Variants in CTNNA3 observed in about 807,000 individuals in gnomAD.
CTNNA3 encodes catenin alpha 3, also known as catenin alpha-3.
A neutral mutation model predicts 95.7 loss-of-function variants in CTNNA3; 76 were observed. The observed-to-expected ratio is 0.79, with a 90% CI of 0.66 to 0.96. The LOEUF (loss-of-function observed/expected upper bound fraction) is 0.96, where lower values mean the gene tolerates loss of function less well. Ranked by LOEUF, CTNNA3 falls within the 40% of genes least tolerant of loss-of-function variation. CTNNA3 has a pLI of 0.00. For synonymous variants in CTNNA3, 431 were observed against 374.4 expected, an observed-to-expected ratio of 1.15 and a Z score of -1.74; for missense variants, 1,191 against 1,089.8, an observed-to-expected ratio of 1.09 and a Z score of -1.31.
intron 7 of CTNNA3, chr10:66,928,065 G>T: frequency 6.2e-7 from 1 of 1,614,052 alleles, no homozygotes. Context: ...TTAAGCCCAA[G>T]CTCCCCAGGC....
At chr10:66,114,864 G>A (rs985812894) in intron 13 of CTNNA3, among the ~76,000 whole-genome samples, 1 of 151,126 alleles carries the variant, frequency 6.6e-6, no homozygotes, top group African/African-American at 2.4e-5. Flanking sequence ...CAGCGACAGA[G>A]TGAGGCTCCA....
chr10:67,119,339 C>T (rs150751188), intron 7 of CTNNA3, among the ~76,000 whole-genome samples: 7 of 151,838 alleles, frequency 4.6e-5, no homozygotes, highest in Non-Finnish European at 8.8e-5. Context: ...GAAACTCAGA[C>T]GTTAACCATT....
chr10:67,129,379 CT>C (rs1194138852), intron 7 of CTNNA3, among the ~76,000 whole-genome samples: 1 of 152,120 alleles, frequency 6.6e-6, no homozygotes, highest in Non-Finnish European at 1.5e-5. Context: ...CCTGAAATGA[CT>C]TTATAATTTA....
At chr10:66,172,401 T>C (rs1033551361) in intron 13 of CTNNA3, among the ~76,000 whole-genome samples, 2 of 152,190 alleles carry the variant, frequency 1.3e-5, no homozygotes, top group Non-Finnish European at 2.9e-5. Context: ...ATAGAACTTT[T>C]GTAACCTGAA....
At position 67,248,784 on chromosome 10, in the gene CTNNA3, C is replaced by T. The variant is rs779030451; in HGVS notation, c.580-28914G>A. On this transcript the variant is annotated intron_variant, in intron 5 of 17. Transcript: ENST00000433211. Reference sequence around the variant, plus strand: ...AGCTGGACTCCTACCTCACACCATACAGAAAATTAACAAAATGGATCACAG... The same window carrying T: ...AGCTGGACTCCTACCTCACACCATATAGAAAATTAACAAAATGGATCACAG... 2.2e-4 allele frequency among the ~76,000 whole-genome samples: 34 copies of T among 152,128 alleles called. 1 individual carries two copies. Among genetic ancestry groups the T allele is most frequent in the Admixed American group, 3.3e-4 (5 of 15,260 alleles).
intron 11 of CTNNA3, among the ~76,000 whole-genome samples, chr10:66,453,051 TAAAAATACAAAA>T (rs1395588684): frequency 7.8e-6 from 1 of 128,994 alleles, no homozygotes; most frequent in African/African-American, 3.2e-5. Flanking sequence ...TTGTCTCTAC[TAAAAATACAAAA>T]AAAAATTGTC....
At chr10:66,007,655 G>A (rs1166431124) in intron 15 of CTNNA3, among the ~76,000 whole-genome samples, 1 of 143,184 alleles carries the variant, frequency 7.0e-6, no homozygotes, top group African/African-American at 2.6e-5. Context: ...CCATCTGGAG[G>A]GTCTCATATT....
chr10:66,633,909 G>C (rs567343518), intron 9 of CTNNA3, among the ~76,000 whole-genome samples: 2 of 151,954 alleles, frequency 1.3e-5, no homozygotes, highest in Non-Finnish European at 2.9e-5. Context: ...AAAAAAACGC[G>C]ATTGATGAAA....
At chr10:67,093,219 T>C (rs1233260120) in intron 7 of CTNNA3, among the ~76,000 whole-genome samples, 1 of 151,950 alleles carries the variant, frequency 6.6e-6, no homozygotes, top group Non-Finnish European at 1.5e-5. Flanking sequence ...CCTTATTAGA[T>C]TTAAATTTCC....
At chr10:67,307,685 C>T (rs562181825) in intron 5 of CTNNA3, among the ~76,000 whole-genome samples, 23 of 152,160 alleles carry the variant, frequency 1.5e-4, no homozygotes, top group Non-Finnish European at 2.8e-4. Context: ...TTGAGTCCTG[C>T]TTTGCCTATC....
chr10:67,689,659 G>A (rs909419951), intron 1 of CTNNA3, among the ~76,000 whole-genome samples: 6 of 152,054 alleles, frequency 3.9e-5, no homozygotes, highest in African/African-American at 1.2e-4. Flanking sequence ...TTGGGACCCC[G>A]GAGCTGAATG....
chr10:66,628,253 A>T (rs564304573), intron 9 of CTNNA3, among the ~76,000 whole-genome samples: 66 of 152,146 alleles, frequency 4.3e-4, no homozygotes, highest in Admixed American at 2.3e-3. Flanking sequence ...AAATTAACAC[A>T]TTTGGTGAAT....
chr10:66,534,473 TATATATATATATATATATA>T (rs1841579929), intron 10 of CTNNA3, among the ~76,000 whole-genome samples: 1 of 566 alleles, frequency 1.8e-3, no homozygotes, highest in Non-Finnish European at 0.019. Context: ...AAAAATCATA[TATATATATATATATATATA>T]TATATATATG....
At chr10:67,297,673 T>G (rs1377207513) in intron 5 of CTNNA3, among the ~76,000 whole-genome samples, 1 of 152,012 alleles carries the variant, frequency 6.6e-6, no homozygotes, top group Admixed American at 6.6e-5. Flanking sequence ...GCTTGTGCAG[T>G]TTACTTGGTG....
At chr10:67,627,710 GC>G (rs900714466) in intron 2 of CTNNA3, among the ~76,000 whole-genome samples, 3 of 151,894 alleles carry the variant, frequency 2.0e-5, no homozygotes, top group Admixed American at 1.3e-4. Flanking sequence ...CTGTTAATGA[GC>G]AAAAAACTGA....
At chr10:67,335,072 T>C (rs1464117778) in intron 5 of CTNNA3, among the ~76,000 whole-genome samples, 1 of 151,896 alleles carries the variant, frequency 6.6e-6, no homozygotes, top group African/African-American at 2.4e-5. Flanking sequence ...GAAAAAAAAA[T>C]CTACTGCCAG....
chr10:66,316,892 C>A (rs1027041724), intron 12 of CTNNA3, among the ~76,000 whole-genome samples: 8 of 151,980 alleles, frequency 5.3e-5, no homozygotes, highest in African/African-American at 1.4e-4. Context: ...ATGAACTTTT[C>A]TCAATAACTG....
intron 5 of CTNNA3, among the ~76,000 whole-genome samples, chr10:67,375,961 T>C (rs1227538487): frequency 6.6e-6 from 1 of 152,124 alleles, no homozygotes; most frequent in Non-Finnish European, 1.5e-5. Context: ...AGTGCTCTTA[T>C]AAAAGAGGCC....
At chr10:67,733,704 C>T (rs1841288491) in intron 1 of CTNNA3, among the ~76,000 whole-genome samples, 2 of 152,196 alleles carry the variant, frequency 1.3e-5, no homozygotes, top group African/African-American at 2.4e-5. Flanking sequence ...AGTGTCACTC[C>T]TTCCTACCAT....
Sources: gnomAD v4.1 joint callset for allele counts (sites outside exome capture counted in the v4.1 genomes callset) on GRCh38, gnomAD v4.1.1 for gene constraint, MANE v1.5 for transcripts, NCBI Gene and HGNC (gene_info 2026-07-23, HGNC 2026-07-21) for gene names.